Variants in FSTL4 observed in about 807,000 individuals in gnomAD.
The protein encoded by FSTL4 is follistatin-related protein 4.
Under a neutral mutation model 78.2 loss-of-function variants are expected in FSTL4, and 28 were observed. The observed-to-expected ratio is 0.36, with a 90% CI of 0.27 to 0.49. The LOEUF (loss-of-function observed/expected upper bound fraction) is 0.49. FSTL4 is among the 20% of genes least tolerant of loss of function. The pLI is 0.98. For synonymous variants in FSTL4, 422 were observed against 440.5 expected, an observed-to-expected ratio of 0.96 and a Z score of 0.53; for missense variants, 922 against 1,084.9, an observed-to-expected ratio of 0.85 and a Z score of 2.11.
chr5:133,429,163 C>A (rs573109411), intron 3 of FSTL4, among the ~76,000 whole-genome samples: 16 of 152,252 alleles, frequency 1.1e-4, no homozygotes, highest in Admixed American at 2.0e-4. Context: ...CTCGTTGGCT[C>A]ACATCAGCAG....
the FSTL4 span, among the ~76,000 whole-genome samples, chr5:133,701,703 G>A: frequency 6.6e-6 from 1 of 152,256 alleles, no homozygotes; most frequent in South Asian, 2.1e-4. Flanking sequence ...AAGGGGTCAA[G>A]CTTAGAAATT....
chr5:133,397,234 A>T (rs1343317183), intron 4 of FSTL4, among the ~76,000 whole-genome samples: 1 of 152,252 alleles, frequency 6.6e-6, no homozygotes, highest in Non-Finnish European at 1.5e-5. Context: ...CACAAACTCT[A>T]TAAGAAGTTA....
the FSTL4 span, among the ~76,000 whole-genome samples, chr5:133,681,444 C>T: frequency 4.6e-5 from 7 of 152,298 alleles, no homozygotes; most frequent in South Asian, 8.3e-4. Flanking sequence ...GACTTGGCTG[C>T]GGCCCCCATG....
chr5:133,319,812 C>T lies in FSTL4; in HGVS notation c.410-3160G>A, dbSNP rs540532986. 8.2e-4 allele frequency among the ~76,000 whole-genome samples: 125 copies of T among 152,328 alleles called. 3 individuals carry two copies. In the South Asian group the frequency reaches 0.025, roughly 30 times the overall value. ...GAACAGAATCTTAAATCCTTCTTTA[C>T]CCCAGGAGCAACTGTGCTTTAATGA... On this transcript the variant is annotated intron_variant, in intron 4 of 15. Coordinates refer to ENST00000265342, the MANE Select transcript of FSTL4 (RefSeq NM_015082.2).
At chr5:133,251,136 G>A (rs1752219909) in intron 6 of FSTL4, among the ~76,000 whole-genome samples, 1 of 152,196 alleles carries the variant, frequency 6.6e-6, no homozygotes, top group African/African-American at 2.4e-5. Flanking sequence ...GAGGCTTATT[G>A]CCCAGGGCAG....
chr5:133,627,282 C>CACAATCA, the FSTL4 span, among the ~76,000 whole-genome samples: 1 of 151,406 alleles, frequency 6.6e-6, no homozygotes, highest in Non-Finnish European at 1.5e-5. Context: ...TTCCACGTGG[C>CACAATCA]TGAGGAGCAA....
intron 2 of FSTL4, among the ~76,000 whole-genome samples, chr5:133,598,095 C>T (rs1760777838): frequency 6.6e-6 from 1 of 152,148 alleles, no homozygotes; most frequent in African/African-American, 2.4e-5. Context: ...AAGCTAGTCT[C>T]ATCAAGCTAT....
the FSTL4 span, among the ~76,000 whole-genome samples, chr5:133,776,575 T>C: frequency 6.6e-6 from 1 of 152,182 alleles, no homozygotes; most frequent in Non-Finnish European, 1.5e-5. Flanking sequence ...GGTAAGATCC[T>C]AACTGAAGCA....
chr5:133,822,061 G>A, the FSTL4 span, among the ~76,000 whole-genome samples: 1 of 152,182 alleles, frequency 6.6e-6, no homozygotes, highest in African/African-American at 2.4e-5. Context: ...CCAAGACTCT[G>A]CATTGCAAGA....
At chr5:133,268,464 G>A (rs1752692420) in intron 6 of FSTL4, among the ~76,000 whole-genome samples, 1 of 152,152 alleles carries the variant, frequency 6.6e-6, no homozygotes, top group East Asian at 1.9e-4. Flanking sequence ...CTGGGCTAAT[G>A]CACATTTGAG....
chr5:133,556,009 C>T (rs1033559304), intron 3 of FSTL4, among the ~76,000 whole-genome samples: 3 of 152,202 alleles, frequency 2.0e-5, no homozygotes, highest in African/African-American at 4.8e-5. Flanking sequence ...GTTCTCTACT[C>T]CCCTTTGGTA....
intron 6 of FSTL4, among the ~76,000 whole-genome samples, chr5:133,266,174 T>C (rs1017908849): frequency 1.3e-5 from 2 of 152,120 alleles, no homozygotes; most frequent in Non-Finnish European, 2.9e-5. Flanking sequence ...CAGACAGTTC[T>C]GAGCATGCAG....
chr5:133,310,076 G>A (rs1317819323), intron 6 of FSTL4, among the ~76,000 whole-genome samples: 1 of 152,120 alleles, frequency 6.6e-6, no homozygotes, highest in Non-Finnish European at 1.5e-5. Flanking sequence ...AGAGCTATGG[G>A]AATTTAGTTT....
chr5:133,484,516 A>G (rs1175223800), intron 3 of FSTL4, among the ~76,000 whole-genome samples: 1 of 152,226 alleles, frequency 6.6e-6, no homozygotes, highest in Non-Finnish European at 1.5e-5. Context: ...ATCATGTGTC[A>G]AAGAGAAATA....
intron 14 of FSTL4, among the ~76,000 whole-genome samples, chr5:133,205,416 G>A (rs944602462): frequency 1.3e-5 from 2 of 151,394 alleles, no homozygotes; most frequent in Admixed American, 6.6e-5. Flanking sequence ...TGTAGTGTTT[G>A]TTTATACACA....
At chr5:133,831,883 G>T in the FSTL4 span, among the ~76,000 whole-genome samples, 1 of 152,152 alleles carries the variant, frequency 6.6e-6, no homozygotes, top group East Asian at 1.9e-4. Flanking sequence ...TGGCTCTCTC[G>T]GGTCCCTGTG....
the FSTL4 span, among the ~76,000 whole-genome samples, chr5:133,754,935 T>C: frequency 6.6e-6 from 1 of 152,126 alleles, no homozygotes; most frequent in Non-Finnish European, 1.5e-5. Flanking sequence ...TTCGTGTACA[T>C]TATCCCCTCT....
intron 6 of FSTL4, among the ~76,000 whole-genome samples, chr5:133,268,530 G>A (rs1460537417): frequency 3.3e-5 from 5 of 152,208 alleles, no homozygotes; most frequent in African/African-American, 9.7e-5. Flanking sequence ...GGTCAAATGG[G>A]AGGTGGTGGA....
At chr5:133,458,965 C>A (rs1757542895) in intron 3 of FSTL4, among the ~76,000 whole-genome samples, 1 of 152,120 alleles carries the variant, frequency 6.6e-6, no homozygotes, top group Non-Finnish European at 1.5e-5. Context: ...ACATTAGACA[C>A]CCCAGCTCCC....
Sources: gnomAD v4.1 joint callset for allele counts (sites outside exome capture counted in the v4.1 genomes callset) on GRCh38, gnomAD v4.1.1 for gene constraint, MANE v1.5 for transcripts, NCBI Gene and HGNC (gene_info 2026-07-23, HGNC 2026-07-21) for gene names.